Variants in R3HDM2 observed in about 807,000 individuals in gnomAD.
R3HDM2 encodes R3H domain containing 2.
Under a neutral mutation model 124.5 loss-of-function variants are expected in R3HDM2, and 38 were observed. The observed-to-expected ratio is 0.31, with a 90% CI of 0.24 to 0.40. The LOEUF (loss-of-function observed/expected upper bound fraction) is 0.40. Ranked by LOEUF, R3HDM2 falls within the 10% of genes least tolerant of loss-of-function variation. R3HDM2 has a pLI of 1.00. For missense variants in R3HDM2, 869 were observed against 1,236.9 expected (o/e 0.70, Z 4.46); for synonymous variants, 391 against 448.0 (o/e 0.87, Z 1.61).
At chr12:57,386,524 T>C (rs1239098014) in intron 2 of R3HDM2, among the ~76,000 whole-genome samples, 1 of 152,228 alleles carries the variant, frequency 6.6e-6, no homozygotes, top group Non-Finnish European at 1.5e-5. Flanking sequence ...GCTTGGGACC[T>C]GCAGCCCGCC....
intron 2 of R3HDM2, among the ~76,000 whole-genome samples, chr12:57,327,235 G>A (rs796784420): frequency 2.0e-5 from 3 of 152,192 alleles, no homozygotes; most frequent in African/African-American, 7.2e-5. Flanking sequence ...GGGAGGCCAA[G>A]GCAGGCAGAT....
intron 18 of R3HDM2, among the ~76,000 whole-genome samples, chr12:57,267,243 T>C (rs1164122755): frequency 6.7e-6 from 1 of 149,476 alleles, no homozygotes; most frequent in Non-Finnish European, 1.5e-5. Context: ...AAACTAAGGA[T>C]TGCTAATTAT....
chr12:57,390,840 G>A (rs2066560733), intron 2 of R3HDM2, among the ~76,000 whole-genome samples: 1 of 152,086 alleles, frequency 6.6e-6, no homozygotes, highest in Non-Finnish European at 1.5e-5. Flanking sequence ...GTGAAACCCT[G>A]TCTCTACTAA....
chr12:57,341,036 T>C (rs2059507762), intron 2 of R3HDM2, among the ~76,000 whole-genome samples: 1 of 152,190 alleles, frequency 6.6e-6, no homozygotes, highest in Non-Finnish European at 1.5e-5. Flanking sequence ...GAATTTTACA[T>C]AACTACCTAT....
At chr12:57,402,122 C>T (rs2068098122) in intron 1 of R3HDM2, among the ~76,000 whole-genome samples, 1 of 151,968 alleles carries the variant, frequency 6.6e-6, no homozygotes, top group African/African-American at 2.4e-5. Flanking sequence ...TGGTGAAACC[C>T]CATCTCTACT....
chr12:57,273,044 C>G (rs1007585163), intron 14 of R3HDM2, among the ~76,000 whole-genome samples: 4 of 152,184 alleles, frequency 2.6e-5, no homozygotes, highest in Non-Finnish European at 4.4e-5. Context: ...TCTGGCTCAG[C>G]TGCTCCTGAT....
At chr12:57,364,813 C>CGTGGTGGCAGGCGCCTGTA (rs1328026105) in intron 2 of R3HDM2, among the ~76,000 whole-genome samples, 1 of 151,348 alleles carries the variant, frequency 6.6e-6, no homozygotes, top group African/African-American at 2.4e-5. Flanking sequence ...ATTAGCCGGG[C>CGTGGTGGCAGGCGCCTGTA]GTGGTGGCAG....
chr12:57,396,695 T>C (rs766053858), intron 1 of R3HDM2, among the ~76,000 whole-genome samples: 1 of 150,108 alleles, frequency 6.7e-6, no homozygotes, highest in Admixed American at 6.7e-5. Flanking sequence ...AGAGAATTGC[T>C]TGAACCCAGG....
intron 2 of R3HDM2, among the ~76,000 whole-genome samples, chr12:57,315,922 C>A (rs550214080): frequency 1.3e-5 from 2 of 152,308 alleles, no homozygotes; most frequent in East Asian, 3.9e-4. Context: ...GAGTACAAGA[C>A]CAGCCTGGGC....
At chr12:57,276,802 G>T (rs762277720) in intron 14 of R3HDM2, among the ~76,000 whole-genome samples, 11 of 151,916 alleles carry the variant, frequency 7.2e-5, no homozygotes, top group Non-Finnish European at 1.5e-4. Context: ...CAGGAGAACC[G>T]CTTGAACCCA....
intron 14 of R3HDM2, among the ~76,000 whole-genome samples, chr12:57,272,961 C>A (rs2043924201): frequency 6.6e-6 from 1 of 152,144 alleles, no homozygotes; most frequent in African/African-American, 2.4e-5. Flanking sequence ...TCATAACCCT[C>A]CTTGACTGCC....
At chr12:57,332,726 A>G (rs1312936818) in intron 2 of R3HDM2, among the ~76,000 whole-genome samples, 1 of 152,236 alleles carries the variant, frequency 6.6e-6, no homozygotes, top group Non-Finnish European at 1.5e-5. Context: ...ACCAAACCAC[A>G]TTCCTTATTC....
intron 2 of R3HDM2, among the ~76,000 whole-genome samples, chr12:57,330,694 C>CTTTTTT (rs10571548): frequency 5.7e-5 from 4 of 70,724 alleles, no homozygotes; most frequent in South Asian, 5.4e-4. Flanking sequence ...TAGGGCTTTT[C>CTTTTTT]TTTTTTTTTT....
At chr12:57,396,796 A>T in intron 1 of R3HDM2, among the ~76,000 whole-genome samples, 1 of 137,140 alleles carries the variant, frequency 7.3e-6, no homozygotes, top group African/African-American at 2.7e-5. Context: ...AAAAAAAAAG[A>T]GTAGTCTAGG....
At chr12:57,430,489 G>GCCCCCCCCCC in intron 1 of R3HDM2, 35 of 790,552 alleles carry the variant, frequency 4.4e-5, no homozygotes, top group Non-Finnish European at 4.8e-5. Flanking sequence ...CCACCCCCCT[G>GCCCCCCCCCC]CCCCCGCACC....
chr12:57,333,707 A>C (rs1026467738), intron 2 of R3HDM2, among the ~76,000 whole-genome samples: 12 of 151,670 alleles, frequency 7.9e-5, no homozygotes, highest in African/African-American at 2.9e-4. Context: ...AAATAAATAC[A>C]TAAATAAATA....
chr12:57,272,457 T>G (rs1015958403), intron 14 of R3HDM2: 42 of 1,549,032 alleles, frequency 2.7e-5, no homozygotes, highest in Non-Finnish European at 3.5e-5. Context: ...TTATACCATG[T>G]TGTACTGCTG....
chr12:57,353,573 TTTA>T (rs1450453869), intron 2 of R3HDM2, among the ~76,000 whole-genome samples: 1 of 152,158 alleles, frequency 6.6e-6, no homozygotes, highest in Non-Finnish European at 1.5e-5. Context: ...TTGTTTCCCA[TTTA>T]TTATTTATTT....
chr12:57,427,486 A>G (rs1254684452), intron 1 of R3HDM2, among the ~76,000 whole-genome samples: 9 of 150,214 alleles, frequency 6.0e-5, no homozygotes, highest in African/African-American at 2.2e-4. Context: ...AGTAGCTGGG[A>G]CTACAGGCGT....
Sources: allele counts gnomAD v4.1 joint callset (sites outside exome capture counted in the v4.1 genomes callset), GRCh38; gene constraint gnomAD v4.1.1; transcripts MANE v1.5; gene names NCBI Gene and HGNC (gene_info 2026-07-23, HGNC 2026-07-21).